CACHD1: variants seen among roughly 807,000 people sequenced by gnomAD.
CACHD1 encodes the protein VWFA and cache domain-containing protein 1.
CACHD1 carries 71 observed loss-of-function variants against 138.7 expected under a neutral mutation model. The observed-to-expected ratio is 0.51, with a 90% CI of 0.42 to 0.62. The LOEUF (loss-of-function observed/expected upper bound fraction) is 0.62. Ranked by LOEUF, CACHD1 falls within the 20% of genes least tolerant of loss-of-function variation. The probability of loss-of-function intolerance (pLI) is 0.00; values close to 1 mark genes in which losing one functional copy is unlikely to be tolerated. For synonymous variants in CACHD1, 578 were observed against 591.5 expected (o/e 0.98, Z 0.33); for missense variants, 1,389 against 1,625.3 (o/e 0.85, Z 2.50).
intron 26 of CACHD1, among the ~76,000 whole-genome samples, chr1:64,690,241 G>C (rs1165907273): frequency 6.6e-6 from 1 of 152,128 alleles, no homozygotes; most frequent in Non-Finnish European, 1.5e-5. Flanking sequence ...TATCATTTGA[G>C]TAATGTTTCA....
chr1:64,574,477 G>A (rs1385658502), intron 2 of CACHD1, among the ~76,000 whole-genome samples: 2 of 152,146 alleles, frequency 1.3e-5, no homozygotes, highest in Non-Finnish European at 2.9e-5. Flanking sequence ...CTTTAGAAGA[G>A]TCACTGACAG....
chr1:64,625,810 G>T (rs1216645538), intron 4 of CACHD1, among the ~76,000 whole-genome samples: 1 of 152,026 alleles, frequency 6.6e-6, no homozygotes, highest in Admixed American at 6.6e-5. Flanking sequence ...AATGTCTATG[G>T]ATTTTGCTCT....
chr1:64,550,758 TTC>T (rs375881150), intron 2 of CACHD1, 102 bp downstream of exon 2: 1 of 744,040 alleles, frequency 1.3e-6, no homozygotes, highest in Non-Finnish European at 2.3e-6. Context: ...TTCCTGTTCT[TTC>T]TCTCTGTATA....
intron 1 of CACHD1, among the ~76,000 whole-genome samples, chr1:64,541,969 A>G (rs567800904): frequency 1.3e-5 from 2 of 152,174 alleles, no homozygotes; most frequent in Admixed American, 6.5e-5. Flanking sequence ...AAATAGAATA[A>G]TAGTAGACTA....
At chr1:64,476,452 C>T (rs757513001) in intron 1 of CACHD1, among the ~76,000 whole-genome samples, 5 of 152,128 alleles carry the variant, frequency 3.3e-5, no homozygotes, top group East Asian at 3.8e-4. Context: ...TGTGTAATTA[C>T]GCAATATAGA....
intron 3 of CACHD1, among the ~76,000 whole-genome samples, chr1:64,589,666 A>G (rs1174669685): frequency 2.6e-5 from 4 of 152,086 alleles, no homozygotes; most frequent in Non-Finnish European, 4.4e-5. Flanking sequence ...AACGTCTGTC[A>G]TTGTTCTACT....
intron 13 of CACHD1, among the ~76,000 whole-genome samples, chr1:64,660,955 C>A (rs988926223): frequency 1.1e-4 from 17 of 152,240 alleles, no homozygotes; most frequent in Middle Eastern, 3.4e-3. Context: ...TTAATTATTT[C>A]ATATATGATT....
At chr1:64,483,875 CT>C (rs374328188) in intron 1 of CACHD1, among the ~76,000 whole-genome samples, 10,113 of 113,400 alleles carry the variant, frequency 0.089, 441 homozygotes, top group East Asian at 0.2. Flanking sequence ...CCCCCCCCCC[CT>C]TGCATATAAC....
chr1:64,504,460 T>C (rs887128765), intron 1 of CACHD1, among the ~76,000 whole-genome samples: 1 of 152,246 alleles, frequency 6.6e-6, no homozygotes, highest in African/African-American at 2.4e-5. Context: ...ATGAATTTTC[T>C]AGCAAGTCTC....
At chr1:64,641,435 G>C (rs753964079) in intron 7 of CACHD1, among the ~76,000 whole-genome samples, 4 of 152,180 alleles carry the variant, frequency 2.6e-5, no homozygotes, top group Admixed American at 1.3e-4. Flanking sequence ...AGCATTCATG[G>C]TGATGTTCCT....
At chr1:64,640,754 T>C (rs1648684875) in intron 7 of CACHD1, among the ~76,000 whole-genome samples, 1 of 524 alleles carries the variant, frequency 1.9e-3, no homozygotes, top group Non-Finnish European at 8.1e-3. Flanking sequence ...TATATATATA[T>C]ATATATATAT....
intron 1 of CACHD1, among the ~76,000 whole-genome samples, chr1:64,472,230 T>A (rs570154275): frequency 4.5e-4 from 68 of 151,762 alleles, no homozygotes; most frequent in Non-Finnish European, 8.7e-4. Flanking sequence ...TCTTCTTTCT[T>A]CCTTCTTCTT....
intron 1 of CACHD1, among the ~76,000 whole-genome samples, chr1:64,476,228 C>CT (rs1414855939): frequency 6.6e-6 from 1 of 152,210 alleles, no homozygotes; most frequent in African/African-American, 2.4e-5. Flanking sequence ...TCTTGAACAC[C>CT]TGAACAGGAC....
chr1:64,554,290 T>G (rs1249643320), intron 2 of CACHD1, among the ~76,000 whole-genome samples: 2 of 152,268 alleles, frequency 1.3e-5, no homozygotes, highest in African/African-American at 4.8e-5. Context: ...AATTTTATTA[T>G]CCTTGGCCTC....
intron 8 of CACHD1, 148 bp downstream of exon 8, chr1:64,642,117 G>A: frequency 1.8e-6 from 1 of 569,824 alleles, no homozygotes; most frequent in Non-Finnish European, 2.8e-6. Flanking sequence ...ACCTGATGTT[G>A]GTATTTAGGG....
intron 1 of CACHD1, among the ~76,000 whole-genome samples, chr1:64,530,684 A>G (rs910584597): frequency 6.6e-6 from 1 of 152,128 alleles, no homozygotes; most frequent in Non-Finnish European, 1.5e-5. Context: ...CAGCCTGGCC[A>G]ACATGGTGAA....
chr1:64,676,099 A>T (rs1649983315), intron 21 of CACHD1, 116 bp downstream of exon 21: 1 of 343,064 alleles, frequency 2.9e-6, no homozygotes, highest in Non-Finnish European at 4.9e-6. Flanking sequence ...TATAAAGATG[A>T]TTCATTCTAA....
In CACHD1 at chr1:64,678,268, G is replaced by A; in HGVS notation, c.3202G>A (p.Val1068Met). 4 of 1,600,806 alleles carry A rather than the reference G, an allele frequency of 2.5e-6. No individual in the cohort carries two copies. The highest frequency in any genetic ancestry group is 1.3e-5 in the African/African-American group (1 of 74,306). Reference sequence around the variant, plus strand: ...CCAGAAAGAATGCTTCGGGGGGATTGTGGGAGCCAAAAGTCCCTACGTTGA... The same window carrying A: ...CCAGAAAGAATGCTTCGGGGGGATTATGGGAGCCAAAAGTCCCTACGTTGA... ...APQKECFGGI[V>M]GAKSPYVDDM... The change falls in exon 23 of 27, where the codon GTG becomes ATG. Residue 1068 changes from valine (V) to methionine (M), a missense_variant. By Grantham distance (21) the Val-to-Met change is conservative (BLOSUM62 1). Transcript: ENST00000651257.
At chr1:64,603,601 G>A (rs569812520) in intron 4 of CACHD1, among the ~76,000 whole-genome samples, 3 of 152,150 alleles carry the variant, frequency 2.0e-5, no homozygotes, top group Non-Finnish European at 4.4e-5. Flanking sequence ...TCTGTTTTGG[G>A]ATTTTTCTGG....
Sources: allele counts gnomAD v4.1 joint callset (sites outside exome capture counted in the v4.1 genomes callset), GRCh38; gene constraint gnomAD v4.1.1; transcripts MANE v1.5; gene names NCBI Gene and HGNC (gene_info 2026-07-23, HGNC 2026-07-21).